The following CTNNA3 variants were observed in gnomAD, a reference collection of about 807,000 sequenced individuals.
CTNNA3 encodes the protein catenin alpha-3.
Under a neutral mutation model 95.7 loss-of-function variants are expected in CTNNA3, and 76 were observed. That is an observed-to-expected ratio of 0.79 (90% CI 0.66 to 0.96). CTNNA3 has a LOEUF of 0.96. CTNNA3 is among the 40% of genes least tolerant of loss of function. The pLI is 0.00. For missense variants in CTNNA3, 1,191 were observed against 1,089.8 expected (o/e 1.09, Z -1.31); for synonymous variants, 431 against 374.4 (o/e 1.15, Z -1.74).
intron 10 of CTNNA3, among the ~76,000 whole-genome samples, chr10:66,526,418 C>T (rs1283689887): frequency 2.0e-5 from 3 of 152,100 alleles, no homozygotes; most frequent in African/African-American, 7.2e-5. Context: ...AACTCCTGAG[C>T]TCAGGTGATC....
chr10:66,543,768 G>T (rs927798520), intron 10 of CTNNA3, among the ~76,000 whole-genome samples: 2 of 151,360 alleles, frequency 1.3e-5, no homozygotes, highest in Non-Finnish European at 2.9e-5. Context: ...TGAATAGCTT[G>T]TAACAACATC....
intron 12 of CTNNA3, among the ~76,000 whole-genome samples, chr10:66,292,167 C>A (rs1313048333): frequency 6.6e-6 from 1 of 151,662 alleles, no homozygotes; most frequent in Non-Finnish European, 1.5e-5. Flanking sequence ...TTTCTCCCAC[C>A]AAATTTACTC....
intron 5 of CTNNA3, among the ~76,000 whole-genome samples, chr10:67,362,942 T>C (rs1843046354): frequency 6.6e-6 from 1 of 151,914 alleles, no homozygotes; most frequent in Non-Finnish European, 1.5e-5. Flanking sequence ...TTAAAATCAA[T>C]AACATTTCTA....
chr10:66,749,197 C>A (rs1158530251), intron 9 of CTNNA3, among the ~76,000 whole-genome samples: 1 of 49,464 alleles, frequency 2.0e-5, no homozygotes, highest in Non-Finnish European at 3.5e-5. Flanking sequence ...AGGGAAACTC[C>A]AACTCAAAAA....
At chr10:66,384,899 C>A (rs764295823) in intron 11 of CTNNA3, among the ~76,000 whole-genome samples, 3 of 152,094 alleles carry the variant, frequency 2.0e-5, no homozygotes, top group Admixed American at 1.3e-4. Context: ...CCAATGAGAA[C>A]AAAGACACAA....
intron 14 of CTNNA3, among the ~76,000 whole-genome samples, chr10:66,090,238 A>G (rs1028862715): frequency 6.6e-6 from 1 of 152,000 alleles, no homozygotes; most frequent in Admixed American, 6.6e-5. Context: ...GAGGAAATTT[A>G]TTTAGCTTGG....
chr10:66,573,672 A>G (rs1249212684), intron 10 of CTNNA3, among the ~76,000 whole-genome samples: 1 of 152,144 alleles, frequency 6.6e-6, no homozygotes, highest in Non-Finnish European at 1.5e-5. Flanking sequence ...TGCCCTTTCT[A>G]TTTAATACCC....
intron 10 of CTNNA3, among the ~76,000 whole-genome samples, chr10:66,569,680 A>G (rs1035621950): frequency 3.9e-5 from 6 of 152,154 alleles, no homozygotes; most frequent in African/African-American, 7.2e-5. Context: ...GATATTAAAC[A>G]TGATGGCTTT....
At chr10:67,645,778 A>T (rs1051668431) in intron 2 of CTNNA3, among the ~76,000 whole-genome samples, 2 of 151,838 alleles carry the variant, frequency 1.3e-5, no homozygotes, top group Non-Finnish European at 1.5e-5. Flanking sequence ...TACTTTAAAA[A>T]AACTGTAGTG....
chr10:67,637,119 A>G (rs1286810530), intron 2 of CTNNA3, among the ~76,000 whole-genome samples: 1 of 152,196 alleles, frequency 6.6e-6, no homozygotes, highest in Non-Finnish European at 1.5e-5. Context: ...ACCTTGAAAA[A>G]AGATTAAACG....
intron 7 of CTNNA3, among the ~76,000 whole-genome samples, chr10:67,141,317 A>C (rs942865186): frequency 1.3e-5 from 2 of 152,056 alleles, no homozygotes; most frequent in Non-Finnish European, 2.9e-5. Flanking sequence ...TTTTTTTACA[A>C]GCAAGTGCTA....
chr10:66,307,167 T>C (rs994864812), intron 12 of CTNNA3, among the ~76,000 whole-genome samples: 9 of 152,182 alleles, frequency 5.9e-5, no homozygotes, highest in Non-Finnish European at 1.3e-4. Context: ...ATAGTTTCTG[T>C]TAAACATGTG....
chr10:67,293,864 T>G (rs1028765316), intron 5 of CTNNA3, among the ~76,000 whole-genome samples: 19 of 152,086 alleles, frequency 1.2e-4, no homozygotes, highest in Non-Finnish European at 2.6e-4. Context: ...TTTTATGGCT[T>G]TATAGTATTC....
At chr10:66,126,790 A>C (rs1168536788) in intron 13 of CTNNA3, among the ~76,000 whole-genome samples, 6 of 152,248 alleles carry the variant, frequency 3.9e-5, no homozygotes, top group African/African-American at 7.2e-5. Flanking sequence ...CCATAGTGAT[A>C]GAAATAAATG....
chr10:66,261,236 T>A (rs1276960419), intron 13 of CTNNA3, among the ~76,000 whole-genome samples: 26 of 152,094 alleles, frequency 1.7e-4, no homozygotes, highest in Admixed American at 1.7e-3. Flanking sequence ...CTGAAGGGCA[T>A]TTTCTCTTTG....
chr10:67,442,113 T>A (rs959646362), intron 5 of CTNNA3, among the ~76,000 whole-genome samples: 2 of 152,198 alleles, frequency 1.3e-5, no homozygotes, highest in African/African-American at 4.8e-5. Context: ...GTTTTCTTTT[T>A]GTTTTTTTGT....
chr10:65,992,645 G>C (rs184545969), intron 15 of CTNNA3, among the ~76,000 whole-genome samples: 41 of 151,972 alleles, frequency 2.7e-4, no homozygotes, highest in Admixed American at 1.1e-3. Context: ...TTCTTGGTTA[G>C]TCTTGCTAGC....
intron 7 of CTNNA3, among the ~76,000 whole-genome samples, chr10:67,081,789 T>G (rs1009118538): frequency 1.3e-5 from 2 of 152,206 alleles, no homozygotes; most frequent in Non-Finnish European, 2.9e-5. Context: ...CCTTCAAGAC[T>G]CAGCTCAAGA....
intron 7 of CTNNA3, among the ~76,000 whole-genome samples, chr10:66,910,854 C>T (rs554857793): frequency 1.3e-5 from 2 of 152,134 alleles, no homozygotes; most frequent in Admixed American, 6.5e-5. Flanking sequence ...GACAATGAGT[C>T]GCTATTTAAC....
Sources: allele counts gnomAD v4.1 joint callset (sites outside exome capture counted in the v4.1 genomes callset), GRCh38; gene constraint gnomAD v4.1.1; transcripts MANE v1.5; gene names NCBI Gene and HGNC (gene_info 2026-07-23, HGNC 2026-07-21).